Variants in PAPSS1 observed in about 807,000 individuals in gnomAD.
The protein encoded by PAPSS1 is bifunctional 3'-phosphoadenosine 5'-phosphosulfate synthase 1.
In PAPSS1, 50 loss-of-function variants were observed where a neutral mutation model predicts 72.0. The ratio of observed to expected loss-of-function variants is 0.69; its 90% confidence interval spans 0.55 to 0.88. PAPSS1 has a LOEUF of 0.88. PAPSS1 is among the 40% of genes least tolerant of loss of function. The pLI, the probability that PAPSS1 is intolerant of heterozygous loss-of-function variation, is 0.00. For synonymous variants in PAPSS1, 261 were observed against 263.6 expected, an observed-to-expected ratio of 0.99 and a Z score of 0.09; for missense variants, 657 against 782.2, an observed-to-expected ratio of 0.84 and a Z score of 1.91.
intron 5 of PAPSS1, among the ~76,000 whole-genome samples, chr4:107,673,533 A>G (rs903283039): frequency 2.6e-5 from 4 of 152,184 alleles, no homozygotes; most frequent in Non-Finnish European, 4.4e-5. Flanking sequence ...AAAGAAATGA[A>G]CAAAGCCTCC....
At chr4:107,643,920 C>G (rs903128164) in intron 10 of PAPSS1, among the ~76,000 whole-genome samples, 1 of 151,908 alleles carries the variant, frequency 6.6e-6, no homozygotes, top group Admixed American at 6.6e-5. Flanking sequence ...AATTAGGAAA[C>G]GATCAGAATG....
chr4:107,689,658 C>T (rs986153713), intron 3 of PAPSS1, among the ~76,000 whole-genome samples: 2 of 152,182 alleles, frequency 1.3e-5, no homozygotes, highest in Non-Finnish European at 2.9e-5. Flanking sequence ...TGTCTCTCAT[C>T]TTATTACTCT....
At chr4:107,710,104 C>G (rs927042234) in intron 1 of PAPSS1, among the ~76,000 whole-genome samples, 1 of 152,202 alleles carries the variant, frequency 6.6e-6, no homozygotes, top group African/African-American at 2.4e-5. Flanking sequence ...TTCTATAATT[C>G]TGCTGAGGAA....
intron 10 of PAPSS1, among the ~76,000 whole-genome samples, chr4:107,642,024 T>C (rs72883543): frequency 0.033 from 5,077 of 152,244 alleles, 265 homozygotes; most frequent in African/African-American, 0.12. Context: ...TAGACAGATA[T>C]TACCAATATC....
chr4:107,642,474 A>G (rs1461797257), intron 10 of PAPSS1, among the ~76,000 whole-genome samples: 3 of 152,140 alleles, frequency 2.0e-5, no homozygotes, highest in Non-Finnish European at 4.4e-5. Flanking sequence ...TCCTTATAAC[A>G]TAAGTTATAA....
intron 1 of PAPSS1, 106 bp downstream of exon 1, chr4:107,720,014 C>G: frequency 6.5e-7 from 1 of 1,543,896 alleles, no homozygotes; most frequent in East Asian, 2.6e-5. Context: ...CTCCGCGCTC[C>G]TGGAAGGATG....
chr4:107,655,973 A>C (rs909586368), intron 7 of PAPSS1, among the ~76,000 whole-genome samples: 1 of 152,248 alleles, frequency 6.6e-6, no homozygotes, highest in African/African-American at 2.4e-5. Context: ...AAAACAAAAA[A>C]CTTGGTAGCA....
chr4:107,646,191 T>C (rs998285001), intron 9 of PAPSS1, among the ~76,000 whole-genome samples: 2 of 152,178 alleles, frequency 1.3e-5, no homozygotes, highest in African/African-American at 2.4e-5. Flanking sequence ...GAGGGAAATA[T>C]AGACCTAACA....
intron 11 of PAPSS1, among the ~76,000 whole-genome samples, chr4:107,625,431 C>T (rs1280028482): frequency 1.3e-5 from 2 of 152,126 alleles, no homozygotes; most frequent in African/African-American, 2.4e-5. Context: ...GGTTCTACTG[C>T]TGAGATGAAG....
intron 10 of PAPSS1, among the ~76,000 whole-genome samples, chr4:107,635,402 A>C (rs1726347021): frequency 6.6e-6 from 1 of 152,222 alleles, no homozygotes. Flanking sequence ...AGCTTAAAAT[A>C]AACTAAAAGA....
At chr4:107,635,028 G>C (rs942793140) in intron 10 of PAPSS1, among the ~76,000 whole-genome samples, 4 of 152,034 alleles carry the variant, frequency 2.6e-5, no homozygotes, top group Non-Finnish European at 4.4e-5. Context: ...TCGATCTCCT[G>C]ACCTTGTGAT....
chr4:107,702,113 C>T (rs1303311225), intron 1 of PAPSS1, among the ~76,000 whole-genome samples: 2 of 152,004 alleles, frequency 1.3e-5, no homozygotes, highest in Admixed American at 6.6e-5. Flanking sequence ...CAGGAAAATG[C>T]AAATCAAAAC....
intron 2 of PAPSS1, among the ~76,000 whole-genome samples, chr4:107,699,157 C>G (rs933642680): frequency 2.0e-5 from 3 of 151,906 alleles, no homozygotes; most frequent in Non-Finnish European, 4.4e-5. Context: ...TTCTAAAGAT[C>G]AATTTTCCCC....
intron 10 of PAPSS1, 34 bp downstream of exon 10, chr4:107,644,768 C>T (rs1331866539): frequency 1.3e-6 from 2 of 1,571,518 alleles, no homozygotes; most frequent in East Asian, 2.3e-5. Flanking sequence ...GTGGCTTTAA[C>T]ACTGCTGCAG....
chr4:107,622,707 G>C (rs1034084864), intron 11 of PAPSS1, among the ~76,000 whole-genome samples: 3 of 152,222 alleles, frequency 2.0e-5, no homozygotes, highest in Non-Finnish European at 4.4e-5. Context: ...TGTAGAAGCA[G>C]ACTCTTGCCA....
chr4:107,653,469 G>C, intron 9 of PAPSS1, 22 bp downstream of exon 9: 1 of 1,602,662 alleles, frequency 6.2e-7, no homozygotes, highest in Non-Finnish European at 8.5e-7. Flanking sequence ...GCCTATATTA[G>C]GTAATTAAAT....
intron 9 of PAPSS1, among the ~76,000 whole-genome samples, chr4:107,652,777 T>A (rs1726881292): frequency 6.6e-6 from 1 of 152,190 alleles, no homozygotes; most frequent in South Asian, 2.1e-4. Context: ...CTTGTTAAGT[T>A]TCTTTTACTT....
At chr4:107,707,107 G>T (rs1723357946) in intron 1 of PAPSS1, among the ~76,000 whole-genome samples, 1 of 152,182 alleles carries the variant, frequency 6.6e-6, no homozygotes, top group African/African-American at 2.4e-5. Flanking sequence ...CTGAAACCTT[G>T]GATCTCTTAA....
At chr4:107,704,779 C>T (rs1403565207) in intron 1 of PAPSS1, among the ~76,000 whole-genome samples, 3 of 151,934 alleles carry the variant, frequency 2.0e-5, no homozygotes, top group African/African-American at 2.4e-5. Context: ...GGAGAAACCC[C>T]GTCTCTACTA....
Sources: allele counts gnomAD v4.1 joint callset (sites outside exome capture counted in the v4.1 genomes callset), GRCh38; gene constraint gnomAD v4.1.1; transcripts MANE v1.5; gene names NCBI Gene and HGNC (gene_info 2026-07-23, HGNC 2026-07-21).